PRSS23: variants seen among roughly 807,000 people sequenced by gnomAD.
PRSS23 encodes the protein protease, serine 23.
Under a neutral mutation model 34.7 loss-of-function variants are expected in PRSS23, and 25 were observed. That is an observed-to-expected ratio of 0.72 (90% CI 0.53 to 1.01). PRSS23 has a LOEUF of 1.01. PRSS23 is among the 50% of genes least tolerant of loss of function. The pLI is 0.00. For missense variants in PRSS23, 445 were observed against 475.6 expected (o/e 0.94, Z 0.60); for synonymous variants, 176 against 186.6 (o/e 0.94, Z 0.46).
Position 86,808,830 on chromosome 11 carries a change from T to C in PRSS23, c.*35T>C. ...CCCTCCTGGCAGCAATTAAGGGTCT[T>C]CATGTTCTTATTTTAGGAGAGGCCA... On this transcript the variant is annotated 3_prime_UTR_variant, in exon 2 of 2. Coordinates refer to ENST00000280258, the MANE Select transcript of PRSS23 (RefSeq NM_007173.6). 6.5e-7 allele frequency: 1 copy of C among 1,547,212 alleles called. No homozygotes were observed. Among genetic ancestry groups the C allele is most frequent in the Non-Finnish European group, 8.7e-7 (1 of 1,143,102 alleles).
chr11:86,847,264 T>C (rs1948493465), intron 2 of PRSS23, among the ~76,000 whole-genome samples: 1 of 152,218 alleles, frequency 6.6e-6, no homozygotes, highest in African/African-American at 2.4e-5. Context: ...GACAGTTTTA[T>C]GGCCAGGACC....
intron 2 of PRSS23, among the ~76,000 whole-genome samples, chr11:86,843,283 A>G (rs1948461879): frequency 1.3e-5 from 2 of 152,228 alleles, no homozygotes; most frequent in Non-Finnish European, 2.9e-5. Flanking sequence ...AGATGGATTA[A>G]AGACTTAAAT....
At chr11:86,872,945 C>A (rs901579881) in intron 2 of PRSS23, among the ~76,000 whole-genome samples, 1 of 151,998 alleles carries the variant, frequency 6.6e-6, no homozygotes, top group East Asian at 1.9e-4. Flanking sequence ...AAGACTCTAC[C>A]ACAGAGCATC....
intron 2 of PRSS23, among the ~76,000 whole-genome samples, chr11:86,841,976 C>T (rs1948452023): frequency 6.6e-6 from 1 of 151,970 alleles, no homozygotes; most frequent in Non-Finnish European, 1.5e-5. Context: ...AGAGACACAA[C>T]AAAAAAAGAG....
chr11:86,945,036 C>A (rs1160439353), intron 2 of PRSS23, among the ~76,000 whole-genome samples: 3 of 152,174 alleles, frequency 2.0e-5, no homozygotes, highest in Non-Finnish European at 4.4e-5. Context: ...ATATTACTGA[C>A]TCCCATAACA....
At chr11:86,879,482 C>T (rs1590909534) in intron 2 of PRSS23, among the ~76,000 whole-genome samples, 2 of 127,168 alleles carry the variant, frequency 1.6e-5, no homozygotes, top group Admixed American at 7.8e-5. Context: ...CCAGCCGCCC[C>T]GTCCGGGAGG....
At chr11:86,857,973 C>T (rs535718405) in intron 2 of PRSS23, 40 of 356,904 alleles carry the variant, frequency 1.1e-4, no homozygotes, top group African/African-American at 5.3e-4. Flanking sequence ...GGGTTGTACA[C>T]GCCTTCTGGG....
At chr11:86,934,112 C>G (rs1478862831) in intron 2 of PRSS23, 1 of 151,814 alleles carries the variant, frequency 6.6e-6, no homozygotes, top group Non-Finnish European at 1.5e-5. Context: ...TCCCCCAGTT[C>G]GGAATGGGAA....
intron 2 of PRSS23, among the ~76,000 whole-genome samples, chr11:86,879,585 G>A (rs1168780017): frequency 1.5e-5 from 2 of 135,650 alleles, no homozygotes; most frequent in African/African-American, 5.4e-5. Flanking sequence ...CGCCCCGTCA[G>A]GGAGGTGAGG....
At chr11:86,908,211 A>G (rs1050165854) in intron 2 of PRSS23, among the ~76,000 whole-genome samples, 8 of 152,176 alleles carry the variant, frequency 5.3e-5, no homozygotes, top group African/African-American at 1.9e-4. Flanking sequence ...TTTAATAAAT[A>G]CCCAGAAGTG....
At chr11:86,889,551 A>C (rs1448646336) in intron 2 of PRSS23, among the ~76,000 whole-genome samples, 1 of 152,032 alleles carries the variant, frequency 6.6e-6, no homozygotes. Flanking sequence ...GACTGAATGC[A>C]CTCCATCAAG....
At chr11:86,924,297 G>GA (rs1325981868) in intron 2 of PRSS23, among the ~76,000 whole-genome samples, 1 of 152,152 alleles carries the variant, frequency 6.6e-6, no homozygotes, top group Non-Finnish European at 1.5e-5. Flanking sequence ...AAGGAACAGG[G>GA]AATGTGCTCA....
At chr11:86,878,603 C>T (rs1230565879) in intron 2 of PRSS23, among the ~76,000 whole-genome samples, 6 of 152,078 alleles carry the variant, frequency 3.9e-5, no homozygotes, top group Admixed American at 1.3e-4. Context: ...GGCGTGATCT[C>T]GGCTCGCTAC....
At chr11:86,878,901 C>A (rs1193136547) in intron 2 of PRSS23, among the ~76,000 whole-genome samples, 1 of 141,918 alleles carries the variant, frequency 7.0e-6, no homozygotes, top group Non-Finnish European at 1.5e-5. Flanking sequence ...AAGTGAGGAG[C>A]GTCTCTGCCC....
At chr11:86,880,556 C>T (rs1406890107) in intron 2 of PRSS23, among the ~76,000 whole-genome samples, 1 of 152,102 alleles carries the variant, frequency 6.6e-6, no homozygotes, top group African/African-American at 2.4e-5. Context: ...CATAGGTATA[C>T]ATGTGCCATG....
intron 1 of PRSS23, 101 bp from the exon 2 acceptor site, chr11:86,807,530 A>G: frequency 8.8e-7 from 1 of 1,141,082 alleles, no homozygotes; most frequent in Non-Finnish European, 1.3e-6. Flanking sequence ...GAGTGTTCAA[A>G]GACTCAGAAA....
chr11:86,853,367 C>A (rs1948545088), intron 2 of PRSS23, among the ~76,000 whole-genome samples: 1 of 144,738 alleles, frequency 6.9e-6, no homozygotes, highest in Non-Finnish European at 1.5e-5. Flanking sequence ...CGATCTTGTG[C>A]CTCAGCCTCC....
chr11:86,796,038 G>A (rs1947978318), upstream of PRSS23, among the ~76,000 whole-genome samples: 1 of 152,142 alleles, frequency 6.6e-6, no homozygotes, highest in Non-Finnish European at 1.5e-5. Flanking sequence ...CTGCTTTGGG[G>A]TTATTTAACA....
intron 2 of PRSS23, among the ~76,000 whole-genome samples, chr11:86,868,285 G>A (rs143681371): frequency 6.8e-4 from 103 of 152,278 alleles, no homozygotes; most frequent in African/African-American, 2.4e-3. Flanking sequence ...TGGGTTCCTT[G>A]AGTGAGAAAG....
Sources: allele counts gnomAD v4.1 joint callset (sites outside exome capture counted in the v4.1 genomes callset), GRCh38; gene constraint gnomAD v4.1.1; transcripts MANE v1.5; gene names NCBI Gene and HGNC (gene_info 2026-07-23, HGNC 2026-07-21).